The following UBXN11 variants were observed in gnomAD, a reference collection of about 807,000 sequenced individuals.
The protein encoded by UBXN11 is UBX domain protein 11, also known as UBX domain-containing protein 11.
In UBXN11, 47 loss-of-function variants were observed where a neutral mutation model predicts 62.8. The observed-to-expected ratio is 0.75, with a 90% CI of 0.59 to 0.95. The LOEUF (loss-of-function observed/expected upper bound fraction) is 0.95, where lower values mean the gene tolerates loss of function less well. Ranked by LOEUF, UBXN11 falls within the 40% of genes least tolerant of loss-of-function variation. The pLI is 0.00. For synonymous variants in UBXN11, 294 were observed against 267.0 expected (o/e 1.10, Z -0.99); for missense variants, 638 against 661.7 (o/e 0.96, Z 0.39).
chr1:26,310,808 T>C (rs2073734306), upstream of UBXN11, among the ~76,000 whole-genome samples: 1 of 152,214 alleles, frequency 6.6e-6, no homozygotes, highest in Admixed American at 6.5e-5. Flanking sequence ...ATCTGATTTT[T>C]TTTTTTTAAC....
At chr1:26,284,284 A>G (rs780671977) in intron 11 of UBXN11, 39 bp from the exon 12 acceptor site, 2 of 1,609,458 alleles carry the variant, frequency 1.2e-6, no homozygotes, top group East Asian at 2.2e-5. Flanking sequence ...AGGAAGGACT[A>G]TGAGTGGTGG....
chr1:26,307,074 T>A (rs1259761845), upstream of UBXN11: 1 of 152,244 alleles, frequency 6.6e-6, no homozygotes, highest in East Asian at 1.9e-4. Flanking sequence ...ATTGCAATGA[T>A]GCAAGTACTT....
At chr1:26,285,354 C>T (rs1489355218) in intron 10 of UBXN11, 110 bp downstream of exon 10, 2 of 1,540,882 alleles carry the variant, frequency 1.3e-6, no homozygotes, top group Admixed American at 2.0e-5. Flanking sequence ...GACTGGGGTC[C>T]CCCAGGGAGT....
At chr1:26,317,001 G>A (rs2073801246) in intron 1 of UBXN11, among the ~76,000 whole-genome samples, 1 of 151,564 alleles carries the variant, frequency 6.6e-6, no homozygotes, top group Non-Finnish European at 1.5e-5. Context: ...GGCCGAGGCA[G>A]GCGGATCACT....
At chr1:26,309,592 T>C (rs542465186), upstream of UBXN11, among the ~76,000 whole-genome samples, 1 of 152,158 alleles carries the variant, frequency 6.6e-6, no homozygotes, top group Non-Finnish European at 1.5e-5. Context: ...AGCCTTATTA[T>C]AAAAATATAC....
At chr1:26,294,007 G>C (rs575366979) in intron 8 of UBXN11, among the ~76,000 whole-genome samples, 198 bp downstream of exon 8, 2 of 152,260 alleles carry the variant, frequency 1.3e-5, no homozygotes, top group East Asian at 3.9e-4. Context: ...GTGGAGAAGT[G>C]GGCCAGCAGG....
At chr1:26,296,808 G>A in intron 7 of UBXN11, 111 bp downstream of exon 7, 5 of 1,124,666 alleles carry the variant, frequency 4.4e-6, no homozygotes, top group Non-Finnish European at 6.3e-6. Flanking sequence ...TGGGTGGGAT[G>A]TGACGAGGAG....
At chr1:26,306,882 G>A (rs2073684377), upstream of UBXN11, 1 of 147,448 alleles carries the variant, frequency 6.8e-6, no homozygotes, top group South Asian at 2.2e-4. Flanking sequence ...AAGGAGCCTG[G>A]GATTAGGTTA....
chr1:26,283,620 G>A (rs2073055133), intron 12 of UBXN11, among the ~76,000 whole-genome samples: 1 of 152,146 alleles, frequency 6.6e-6, no homozygotes, highest in South Asian at 2.1e-4. Flanking sequence ...GACTAGGGTG[G>A]TGGGTGGTGG....
In UBXN11 at chr1:26,282,638, CCTGCA is replaced by C; in HGVS notation, c.1292+6_1292+10del. The stretch of plus-strand genomic sequence containing the variant: ...AGCCCCTCTGTGGCCCTGGCCCTGC[CCTGCA>C]CCCACCTGGCCTGCGCTAGCAGAGC... On this transcript the variant is annotated splice_donor_region_variant and intron_variant, in intron 14 of 14. Coordinates refer to ENST00000374222, the MANE Select transcript of UBXN11 (RefSeq NM_001389556.1). 1 of 1,613,862 alleles carries C rather than the reference CCTGCA, an allele frequency of 6.2e-7. No individual in the cohort carries two copies. Among genetic ancestry groups the C allele is most frequent in the Non-Finnish European group, 8.5e-7 (1 of 1,179,990 alleles).
rs749570063 is a variant in UBXN11 at position 26,297,994 on chromosome 1, C to T, written c.268G>A (p.Val90Met). The T allele has an allele frequency of 3.1e-6, 5 of 1,614,032 alleles. No individual in the cohort carries two copies. The highest frequency in any genetic ancestry group is 4.2e-6 in the Non-Finnish European group (5 of 1,179,976). Residue 90 changes from valine to methionine, a missense_variant, in exon 5 of 15, where the codon GTG becomes ATG. Val to Met is a conservative substitution (Grantham distance 21). Transcript: ENST00000374222. The part of the protein sequence containing the change: ...TRKLWDLEQQ[V>M]KAQTDEILSK... ...AGTATCTCATCAGTCTGGGCCTTCACCTGCTGCTCCAGGTCCCACAACTTC... is the reference window on the plus strand; with the variant it reads ...AGTATCTCATCAGTCTGGGCCTTCATCTGCTGCTCCAGGTCCCACAACTTC...
intron 8 of UBXN11, among the ~76,000 whole-genome samples, chr1:26,291,981 T>C (rs2073278683): frequency 6.6e-6 from 1 of 152,116 alleles, no homozygotes. Context: ...CCTCTGGTCC[T>C]CTCCCTCATG....
intron 4 of UBXN11, among the ~76,000 whole-genome samples, chr1:26,298,415 G>A (rs993809228): frequency 6.6e-6 from 1 of 152,150 alleles, no homozygotes; most frequent in Non-Finnish European, 1.5e-5. Context: ...CAGTTGGTAC[G>A]CAAAACAGCA....
At chr1:26,312,260 C>CT (rs937431990) in intron 1 of UBXN11, among the ~76,000 whole-genome samples, 109 of 151,412 alleles carry the variant, frequency 7.2e-4, no homozygotes, top group African/African-American at 1.7e-3. Context: ...TATAGCATTT[C>CT]TTTTTTTTTG....
At chr1:26,315,753 G>A (rs1464283432) in intron 1 of UBXN11, among the ~76,000 whole-genome samples, 3 of 152,014 alleles carry the variant, frequency 2.0e-5, no homozygotes, top group African/African-American at 7.2e-5. Flanking sequence ...TCCTTCTCCC[G>A]GGTTCAAGTG....
At chr1:26,301,083 C>T (rs2073522707) in intron 3 of UBXN11, 59 bp from the exon 4 acceptor site, 1 of 1,612,316 alleles carries the variant, frequency 6.2e-7, no homozygotes, top group Admixed American at 1.7e-5. Flanking sequence ...GAAACTCAGG[C>T]CCTGGGCCCT....
intron 1 of UBXN11, among the ~76,000 whole-genome samples, chr1:26,313,088 T>C (rs2073760048): frequency 6.6e-6 from 1 of 151,216 alleles, no homozygotes. Context: ...CCTTGGATGC[T>C]GTATGATGCT....
Position 26,282,741 on chromosome 1 carries a change from G to A in UBXN11, c.1200C>T (p.Arg400=). 6.2e-7 allele frequency: 1 copy of A among 1,614,070 alleles called. No homozygotes were observed. Among genetic ancestry groups the A allele is most frequent in the Non-Finnish European group, 8.5e-7 (1 of 1,180,046 alleles). The change falls in exon 14 of 15, where the codon CGC becomes CGT. Residue 400 remains arginine, a synonymous_variant. Coordinates refer to ENST00000374222, the MANE Select transcript of UBXN11 (RefSeq NM_001389556.1). ...NTPAPPLSML[R]IKSENGEQAF... ...CCTGTTCCCCATTCTCAGACTTGAT[G>A]CGCAGCATGGAGAGCGGGGGTGCCG... is the stretch of plus-strand genomic sequence containing the variant.
intron 10 of UBXN11, chr1:26,285,227 C>G (rs2073099345): frequency 7.6e-7 from 1 of 1,309,234 alleles, no homozygotes; most frequent in Non-Finnish European, 9.8e-7. Flanking sequence ...AAGGCAGGGG[C>G]CCCGCAGCCG....
Sources: gnomAD v4.1 joint callset for allele counts (sites outside exome capture counted in the v4.1 genomes callset) on GRCh38, gnomAD v4.1.1 for gene constraint, MANE v1.5 for transcripts, NCBI Gene and HGNC (gene_info 2026-07-23, HGNC 2026-07-21) for gene names.